CENPP: variants seen among roughly 807,000 people sequenced by gnomAD.
CENPP encodes centromere protein P.
Under a neutral mutation model 35.6 loss-of-function variants are expected in CENPP, and 24 were observed. The ratio of observed to expected loss-of-function variants is 0.67; its 90% confidence interval spans 0.49 to 0.95. The LOEUF (loss-of-function observed/expected upper bound fraction) is 0.95, where lower values mean the gene tolerates loss of function less well. Among genes scored for constraint, CENPP ranks in the 40% least tolerant of loss-of-function variants. The pLI is 0.00. For synonymous variants in CENPP, 120 were observed against 125.5 expected, an observed-to-expected ratio of 0.96 and a Z score of 0.29; for missense variants, 332 against 345.3, an observed-to-expected ratio of 0.96 and a Z score of 0.31.
chr9:92,516,125 A>G (rs547939581), intron 5 of CENPP, among the ~76,000 whole-genome samples: 35 of 149,896 alleles, frequency 2.3e-4, no homozygotes, highest in South Asian at 1.7e-3. Flanking sequence ...ATGCAGTGGC[A>G]TGATCTCGGC....
intron 5 of CENPP, among the ~76,000 whole-genome samples, chr9:92,484,568 C>T (rs1160810855): frequency 6.6e-6 from 1 of 152,102 alleles, no homozygotes; most frequent in Non-Finnish European, 1.5e-5. Flanking sequence ...ATTTGGGGGT[C>T]ATGTGTATGT....
chr9:92,424,864 T>A (rs941148483), intron 5 of CENPP, among the ~76,000 whole-genome samples: 2 of 151,788 alleles, frequency 1.3e-5, no homozygotes, highest in African/African-American at 4.8e-5. Flanking sequence ...TTAGTAGAGA[T>A]GGGGTTTCAC....
At chr9:92,551,897 C>A in intron 5 of CENPP, among the ~76,000 whole-genome samples, 1 of 135,228 alleles carries the variant, frequency 7.4e-6, no homozygotes. Flanking sequence ...AATGAGTTAA[C>A]AGCATTTGTT....
intron 5 of CENPP, among the ~76,000 whole-genome samples, chr9:92,489,610 ATT>A (rs879683545): frequency 6.7e-6 from 1 of 148,190 alleles, no homozygotes; most frequent in Non-Finnish European, 1.5e-5. Context: ...TATGGTCAGG[ATT>A]TTTTTTTTTA....
intron 4 of CENPP, among the ~76,000 whole-genome samples, chr9:92,364,824 A>G (rs1427941641): frequency 1.3e-5 from 2 of 152,234 alleles, no homozygotes; most frequent in Non-Finnish European, 2.9e-5. Flanking sequence ...TGCTATAGGA[A>G]TATAAATGCA....
At chr9:92,357,482 T>C (rs1450455818) in intron 4 of CENPP, among the ~76,000 whole-genome samples, 1 of 144,282 alleles carries the variant, frequency 6.9e-6, no homozygotes, top group Non-Finnish European at 1.5e-5. Context: ...TTATTATTAT[T>C]ATTATTATTA....
intron 5 of CENPP, among the ~76,000 whole-genome samples, chr9:92,586,566 A>AC (rs1850547011): frequency 6.6e-6 from 1 of 152,164 alleles, no homozygotes; most frequent in Non-Finnish European, 1.5e-5. Context: ...CTAAGAGGAG[A>AC]CTAGCTTTGC....
chr9:92,392,776 A>G (rs1842739950), intron 5 of CENPP, among the ~76,000 whole-genome samples: 1 of 152,170 alleles, frequency 6.6e-6, no homozygotes, highest in East Asian at 1.9e-4. Context: ...TCCCAGTTAT[A>G]TTGGTGTTGC....
Position 92,416,058 on chromosome 9 carries a change from G to GTGTGTGTATATATA in CENPP, c.564+36200_564+36201insGTGTGTATATATAT, listed in dbSNP as rs6151074. The stretch of plus-strand genomic sequence containing the variant: ...ATAAATAAATATATTATATATGTGT[G>GTGTGTGTATATATA]TATATATATATATTTATTTATTTAT... On this transcript the variant is annotated intron_variant, in intron 5 of 7. Transcript: ENST00000375587. Among the ~76,000 whole-genome samples, 367 of 130,880 alleles carry GTGTGTGTATATATA rather than the reference G, an allele frequency of 2.8e-3. 2 individuals carry two copies. The highest frequency in any genetic ancestry group is 4.3e-3 in the Non-Finnish European group (272 of 62,632). 85.9% of individuals were successfully genotyped at this position (130,880 alleles called of 152,430 possible).
chr9:92,579,787 C>CTTTA (rs1278990787), intron 5 of CENPP, among the ~76,000 whole-genome samples: 2 of 130,046 alleles, frequency 1.5e-5, no homozygotes, highest in Non-Finnish European at 3.1e-5. Flanking sequence ...ATTGAATACC[C>CTTTA]TTTATTTCCT....
At chr9:92,442,670 C>T (rs1451260533) in intron 5 of CENPP, among the ~76,000 whole-genome samples, 1 of 151,742 alleles carries the variant, frequency 6.6e-6, no homozygotes, top group Non-Finnish European at 1.5e-5. Flanking sequence ...AACAATGAAA[C>T]CCCGTCTCTA....
intron 5 of CENPP, among the ~76,000 whole-genome samples, chr9:92,472,887 G>A (rs1177146705): frequency 6.6e-6 from 1 of 152,142 alleles, no homozygotes; most frequent in Non-Finnish European, 1.5e-5. Context: ...GGATCCTCCT[G>A]GTAGCACAGA....
At chr9:92,544,672 C>T (rs1179980482) in intron 5 of CENPP, among the ~76,000 whole-genome samples, 2 of 151,152 alleles carry the variant, frequency 1.3e-5, no homozygotes, top group African/African-American at 4.9e-5. Flanking sequence ...GAAAGCGTGG[C>T]TCACCAATGT....
chr9:92,529,115 A>T (rs751603044), intron 5 of CENPP, among the ~76,000 whole-genome samples: 2 of 152,244 alleles, frequency 1.3e-5, no homozygotes, highest in African/African-American at 2.4e-5. Context: ...CAGATTAGAC[A>T]TTACCAAAAA....
At chr9:92,483,813 A>G (rs77308866) in intron 5 of CENPP, among the ~76,000 whole-genome samples, 435 of 152,316 alleles carry the variant, frequency 2.9e-3, no homozygotes, top group Non-Finnish European at 3.9e-3. Flanking sequence ...ACTTAAATAA[A>G]GTACTCCTCC....
At chr9:92,356,773 G>C (rs1350209604) in intron 4 of CENPP, among the ~76,000 whole-genome samples, 1 of 152,188 alleles carries the variant, frequency 6.6e-6, no homozygotes, top group Non-Finnish European at 1.5e-5. Flanking sequence ...AGAGATTAAA[G>C]ACAGGTGTAA....
chr9:92,537,517 G>A (rs549699151), intron 5 of CENPP, among the ~76,000 whole-genome samples: 7 of 152,068 alleles, frequency 4.6e-5, no homozygotes, highest in Non-Finnish European at 1.0e-4. Flanking sequence ...AAAATTAGCC[G>A]AGTATGGTAG....
At chr9:92,386,330 G>A (rs1842420327) in intron 5 of CENPP, 1 of 1,344,640 alleles carries the variant, frequency 7.4e-7, no homozygotes, top group African/African-American at 1.4e-5. Context: ...TGTTATTGAG[G>A]TTCTGTACAT....
chr9:92,611,602 A>G (rs1552908), intron 6 of CENPP, among the ~76,000 whole-genome samples: 41,386 of 151,948 alleles, frequency 0.27, 6,590 homozygotes, highest in East Asian at 0.7. Context: ...CGCAGGGGGA[A>G]AACGCCAGTC....
Sources: allele counts gnomAD v4.1 joint callset (sites outside exome capture counted in the v4.1 genomes callset), GRCh38; gene constraint gnomAD v4.1.1; transcripts MANE v1.5; gene names NCBI Gene and HGNC (gene_info 2026-07-23, HGNC 2026-07-21).